Variants in PRKACB observed in about 807,000 individuals in gnomAD.
The protein encoded by PRKACB is protein kinase cAMP-activated catalytic subunit beta.
PRKACB carries 16 observed loss-of-function variants against 51.4 expected under a neutral mutation model. That is an observed-to-expected ratio of 0.31 (90% CI 0.21 to 0.47). PRKACB has a LOEUF of 0.47. Ranked by LOEUF, PRKACB falls within the 20% of genes least tolerant of loss-of-function variation. PRKACB has a pLI of 1.00. For synonymous variants in PRKACB, 147 were observed against 154.4 expected, an observed-to-expected ratio of 0.95 and a Z score of 0.35; for missense variants, 309 against 464.5, an observed-to-expected ratio of 0.67 and a Z score of 3.08.
intron 1 of PRKACB, among the ~76,000 whole-genome samples, chr1:84,112,896 C>G (rs1650348082): frequency 6.6e-6 from 1 of 152,056 alleles, no homozygotes; most frequent in Non-Finnish European, 1.5e-5. Context: ...CATGGGAGAA[C>G]TCTGAGATAC....
chr1:84,220,650 G>A (rs999151428), intron 9 of PRKACB, among the ~76,000 whole-genome samples: 1 of 152,054 alleles, frequency 6.6e-6, no homozygotes, highest in African/African-American at 2.4e-5. Flanking sequence ...TGTCAGGAGG[G>A]GATGTTGGCT....
intron 1 of PRKACB, among the ~76,000 whole-genome samples, chr1:84,169,166 C>A (rs940675961): frequency 1.3e-5 from 2 of 151,538 alleles, no homozygotes; most frequent in African/African-American, 4.8e-5. Flanking sequence ...AGAGGTTATA[C>A]ACCATAAAAC....
rs1649750343 is a variant in PRKACB at position 84,106,378 on chromosome 1, CT to C, written c.46+28008del. Among the ~76,000 whole-genome samples the C allele has an allele frequency of 3.3e-5, 5 of 152,158 alleles. No homozygotes were observed. In the South Asian group the frequency reaches 1.0e-3, roughly 32 times the overall value. On this transcript the variant is annotated intron_variant, in intron 1 of 8. Transcript: ENST00000370688. ...GAAAACTCCATAGTCTGCCCAGAAG[CT>C]CCCTGATCTGATACACAACTTCAAC...
intron 2 of PRKACB, among the ~76,000 whole-genome samples, chr1:84,180,129 A>G (rs1469913430): frequency 7.2e-6 from 1 of 138,626 alleles, no homozygotes; most frequent in Non-Finnish European, 1.6e-5. Context: ...ACAATTGCAA[A>G]ATAGTGGAAC....
At chr1:84,174,885 T>C (rs1039682274) in intron 1 of PRKACB, 7 of 696,082 alleles carry the variant, frequency 1.0e-5, no homozygotes, top group African/African-American at 1.9e-5. Flanking sequence ...AGATAACTTA[T>C]TTGAATACAT....
intron 1 of PRKACB, chr1:84,086,154 A>G: frequency 6.3e-7 from 1 of 1,597,582 alleles, no homozygotes; most frequent in Non-Finnish European, 8.6e-7. Flanking sequence ...GCCATGAAGA[A>G]TGGGGATGTG....
At chr1:84,177,298 C>T (rs1171945509) in intron 1 of PRKACB, among the ~76,000 whole-genome samples, 1 of 152,006 alleles carries the variant, frequency 6.6e-6, no homozygotes, top group African/African-American at 2.4e-5. Context: ...AATTTATAGC[C>T]ATCATGTCCA....
intron 8 of PRKACB, among the ~76,000 whole-genome samples, chr1:84,208,761 G>A (rs1008798770): frequency 1.3e-5 from 2 of 152,124 alleles, no homozygotes; most frequent in African/African-American, 4.8e-5. Context: ...ATAATACAAG[G>A]CAGTTTCATG....
At chr1:84,141,140 G>A (rs977216897), upstream of PRKACB, among the ~76,000 whole-genome samples, 6 of 151,668 alleles carry the variant, frequency 4.0e-5, no homozygotes, top group African/African-American at 1.5e-4. Context: ...AATGAAGGAG[G>A]AATAAAATCA....
chr1:84,102,374 G>A (rs183347638), intron 1 of PRKACB, among the ~76,000 whole-genome samples: 2 of 152,108 alleles, frequency 1.3e-5, no homozygotes, highest in African/African-American at 4.8e-5. Flanking sequence ...GCGACAGAGC[G>A]AGACTCCATC....
At chr1:84,226,268 T>C (rs1254976680) in intron 9 of PRKACB, among the ~76,000 whole-genome samples, 1 of 52,724 alleles carries the variant, frequency 1.9e-5, no homozygotes, top group African/African-American at 3.2e-5. Context: ...GGTTTGTGGG[T>C]TTTTTGTTTT....
chr1:84,164,186 A>G (rs1656685795), intron 1 of PRKACB: 1 of 1,129,832 alleles, frequency 8.9e-7, no homozygotes, highest in African/African-American at 1.6e-5. Context: ...CTCTTCCATA[A>G]CACAGAATGT....
chr1:84,103,159 C>T (rs1202036246), intron 1 of PRKACB, among the ~76,000 whole-genome samples: 1 of 152,114 alleles, frequency 6.6e-6, no homozygotes, highest in Non-Finnish European at 1.5e-5. Context: ...GAGGAGTATT[C>T]TGTGACAAAG....
At chr1:84,199,049 A>ATATATATGCGTATATATGCATATATG (rs1558240274) in intron 7 of PRKACB, among the ~76,000 whole-genome samples, 6 of 138,770 alleles carry the variant, frequency 4.3e-5, no homozygotes, top group Non-Finnish European at 7.7e-5. Context: ...ATATGTATGC[A>ATATATATGCGTATATATGCATATATG]TATATATATG....
At chr1:84,147,414 G>T (rs1261578232) in intron 1 of PRKACB, among the ~76,000 whole-genome samples, 1 of 151,918 alleles carries the variant, frequency 6.6e-6, no homozygotes, top group East Asian at 1.9e-4. Context: ...TCAGCTAAAA[G>T]ACTTTCCACC....
At chr1:84,145,146 G>A (rs550497677) in intron 1 of PRKACB, among the ~76,000 whole-genome samples, 1 of 152,168 alleles carries the variant, frequency 6.6e-6, no homozygotes, top group South Asian at 2.1e-4. Context: ...TGCAGGAAAA[G>A]TTGGTTATGC....
At chr1:84,225,036 G>T (rs1045466707) in intron 9 of PRKACB, among the ~76,000 whole-genome samples, 1 of 152,138 alleles carries the variant, frequency 6.6e-6, no homozygotes, top group Non-Finnish European at 1.5e-5. Flanking sequence ...AGACAGAGGG[G>T]GGCACTCCCC....
intron 1 of PRKACB, among the ~76,000 whole-genome samples, chr1:84,111,408 T>A (rs1327483376): frequency 1.3e-5 from 2 of 152,026 alleles, no homozygotes; most frequent in Non-Finnish European, 2.9e-5. Context: ...AAATATGGGG[T>A]TAGTTCAATG....
chr1:84,182,678 C>T (rs1484226926), intron 3 of PRKACB, among the ~76,000 whole-genome samples: 1 of 151,878 alleles, frequency 6.6e-6, no homozygotes, highest in Non-Finnish European at 1.5e-5. Flanking sequence ...TACAATATAT[C>T]AGGTATTATA....
Sources: allele counts gnomAD v4.1 joint callset (sites outside exome capture counted in the v4.1 genomes callset), GRCh38; gene constraint gnomAD v4.1.1; transcripts MANE v1.5; gene names NCBI Gene and HGNC (gene_info 2026-07-23, HGNC 2026-07-21).